LRRC4C: variants seen among roughly 807,000 people sequenced by gnomAD.
The protein encoded by LRRC4C is leucine rich repeat containing 4C, also known as leucine-rich repeat-containing protein 4C.
LRRC4C carries 5 observed loss-of-function variants against 33.6 expected under a neutral mutation model. The observed-to-expected ratio is 0.15, with a 90% CI of 0.08 to 0.31. The LOEUF (loss-of-function observed/expected upper bound fraction) is 0.31. Among genes scored for constraint, LRRC4C ranks in the 10% least tolerant of loss-of-function variants. LRRC4C has a pLI of 1.00. For synonymous variants in LRRC4C, 329 were observed against 302.0 expected (o/e 1.09, Z -0.93); for missense variants, 560 against 796.7 (o/e 0.70, Z 3.58).
chr11:40,123,569 T>C (rs1362265664), intron 6 of LRRC4C, among the ~76,000 whole-genome samples: 1 of 152,006 alleles, frequency 6.6e-6, no homozygotes, highest in Non-Finnish European at 1.5e-5. Context: ...AGAACATTAA[T>C]GAAAGAAGAA....
At chr11:41,354,719 T>A (rs552119133) in intron 1 of LRRC4C, among the ~76,000 whole-genome samples, 1 of 152,092 alleles carries the variant, frequency 6.6e-6, no homozygotes, top group East Asian at 1.9e-4. Context: ...TCTACCACCA[T>A]CTAATCTTCA....
At chr11:40,524,240 G>C (rs1157955372) in intron 3 of LRRC4C, among the ~76,000 whole-genome samples, 2 of 152,122 alleles carry the variant, frequency 1.3e-5, no homozygotes, top group Admixed American at 1.3e-4. Flanking sequence ...AGGGGATTAA[G>C]CAAATCATTT....
chr11:40,872,534 A>C (rs1954703345), intron 2 of LRRC4C, among the ~76,000 whole-genome samples: 1 of 152,032 alleles, frequency 6.6e-6, no homozygotes, highest in African/African-American at 2.4e-5. Context: ...TTTCGACTCT[A>C]TGTTACTTAA....
chr11:40,540,231 T>C (rs985617454), intron 3 of LRRC4C, among the ~76,000 whole-genome samples: 33 of 152,196 alleles, frequency 2.2e-4, no homozygotes, highest in African/African-American at 8.0e-4. Flanking sequence ...TTCTAAGTGC[T>C]GAACTGAATA....
chr11:40,877,704 AGAC>A (rs776777900), intron 2 of LRRC4C, among the ~76,000 whole-genome samples: 1 of 152,306 alleles, frequency 6.6e-6, no homozygotes, highest in Non-Finnish European at 1.5e-5. Context: ...TTCTCAGTGC[AGAC>A]ACATTTGACG....
At chr11:40,913,223 C>A (rs1016895814) in intron 2 of LRRC4C, among the ~76,000 whole-genome samples, 7 of 152,158 alleles carry the variant, frequency 4.6e-5, no homozygotes, top group Non-Finnish European at 7.3e-5. Flanking sequence ...GAACTCTCAA[C>A]CCCAAATCAA....
chr11:40,226,319 T>C (rs771574567), intron 5 of LRRC4C, among the ~76,000 whole-genome samples: 5 of 152,188 alleles, frequency 3.3e-5, no homozygotes, highest in African/African-American at 4.8e-5. Context: ...TGGTTTGCTA[T>C]ACAGAAAGGC....
intron 1 of LRRC4C, among the ~76,000 whole-genome samples, chr11:41,037,332 CTTAT>C (rs1367055464): frequency 6.9e-6 from 1 of 145,294 alleles, no homozygotes; most frequent in African/African-American, 2.5e-5. Context: ...ATCAAATTTT[CTTAT>C]TTATTTTTTT....
rs1029350717 is a variant in LRRC4C, at chr11:41,290,480, T to C, written c.-496+168951A>G. On this transcript the variant is annotated intron_variant, in intron 1 of 6. Transcript: ENST00000528697. The stretch of plus-strand genomic sequence containing the variant: ...TCTAGAAATATACAAAATCCATCCA[T>C]ACTTACTGCATAGCATTGACAATCG... Among the ~76,000 whole-genome samples, 7 of 152,172 alleles carry C rather than the reference T, an allele frequency of 4.6e-5. No homozygotes were observed. The East Asian group carries it at 1.4e-3, about 29-fold the overall frequency.
At chr11:40,407,034 G>A (rs1281504428) in intron 3 of LRRC4C, among the ~76,000 whole-genome samples, 1 of 152,002 alleles carries the variant, frequency 6.6e-6, no homozygotes, top group Non-Finnish European at 1.5e-5. Context: ...TTTTTGTCCT[G>A]TCTTTTACCT....
chr11:40,263,936 A>G lies in LRRC4C; in HGVS notation c.-175-22338T>C, dbSNP rs1942054248. Among the ~76,000 whole-genome samples the G allele has an allele frequency of 1.3e-5, 2 of 152,194 alleles. 1 individual carries two copies. The highest frequency in any genetic ancestry group is 4.1e-4 in the South Asian group (2 of 4,834). On this transcript the variant is annotated intron_variant, in intron 4 of 6. Transcript: ENST00000528697. Reference sequence around the variant, plus strand: ...GGAGCCTGGGTTTCTGGAGGATTTTACATAGAAGTTTATCCTTCCGCGCCC... The same window carrying G: ...GGAGCCTGGGTTTCTGGAGGATTTTGCATAGAAGTTTATCCTTCCGCGCCC...
At chr11:40,696,383 A>G (rs1167116874) in intron 2 of LRRC4C, among the ~76,000 whole-genome samples, 2 of 123,330 alleles carry the variant, frequency 1.6e-5, no homozygotes, top group South Asian at 2.6e-4. Flanking sequence ...TGTATATGGT[A>G]TATATATATG....
chr11:40,750,099 G>T (rs2136978105), intron 2 of LRRC4C, among the ~76,000 whole-genome samples: 1 of 152,114 alleles, frequency 6.6e-6, no homozygotes, highest in African/African-American at 2.4e-5. Context: ...GTGTGCACCT[G>T]TAATCCCAGC....
chr11:40,538,413 G>C (rs751248213), intron 3 of LRRC4C, among the ~76,000 whole-genome samples: 1 of 152,104 alleles, frequency 6.6e-6, no homozygotes, highest in East Asian at 1.9e-4. Flanking sequence ...ATAGTTTGCT[G>C]AGAATGATGG....
chr11:40,536,089 T>C (rs1284342795), intron 3 of LRRC4C, among the ~76,000 whole-genome samples: 1 of 152,192 alleles, frequency 6.6e-6, no homozygotes, highest in African/African-American at 2.4e-5. Context: ...TGACCTGTCT[T>C]TTTCCCACAG....
chr11:40,550,874 T>C (rs937691059), intron 3 of LRRC4C, among the ~76,000 whole-genome samples: 1 of 152,112 alleles, frequency 6.6e-6, no homozygotes, highest in Non-Finnish European at 1.5e-5. Flanking sequence ...ATTTGCTCAA[T>C]GGATATCTGT....
chr11:40,179,187 T>C (rs1302638454), intron 5 of LRRC4C, among the ~76,000 whole-genome samples: 1 of 151,936 alleles, frequency 6.6e-6, no homozygotes, highest in African/African-American at 2.4e-5. Flanking sequence ...AAAACTATTC[T>C]AGAGACAGGG....
intron 3 of LRRC4C, among the ~76,000 whole-genome samples, chr11:40,633,327 T>C (rs11035976): frequency 0.14 from 2,084 of 14,928 alleles, 56 homozygotes; most frequent in East Asian, 0.29. Flanking sequence ...AGTTTTCTTT[T>C]TCTTTCTTTC....
chr11:40,283,425 A>C (rs891388744), intron 4 of LRRC4C, among the ~76,000 whole-genome samples: 1 of 148,392 alleles, frequency 6.7e-6, no homozygotes, highest in Admixed American at 6.7e-5. Context: ...TAGTAAAAGT[A>C]AAAAAAAAAT....
Sources: gnomAD v4.1 joint callset for allele counts (sites outside exome capture counted in the v4.1 genomes callset) on GRCh38, gnomAD v4.1.1 for gene constraint, MANE v1.5 for transcripts, NCBI Gene and HGNC (gene_info 2026-07-23, HGNC 2026-07-21) for gene names.